SCHIP1: variants seen among roughly 807,000 people sequenced by gnomAD.
SCHIP1 encodes schwannomin interacting protein 1.
A neutral mutation model predicts 29.7 loss-of-function variants in SCHIP1; 8 were observed. The observed-to-expected ratio is 0.27, with a 90% CI of 0.16 to 0.49. The LOEUF (loss-of-function observed/expected upper bound fraction) is 0.49, where lower values mean the gene tolerates loss of function less well. Among genes scored for constraint, SCHIP1 ranks in the 20% least tolerant of loss-of-function variants. SCHIP1 has a pLI of 0.99. For synonymous variants in SCHIP1, 76 were observed against 94.9 expected (o/e 0.80, Z 1.16); for missense variants, 193 against 294.6 (o/e 0.66, Z 2.52).
At chr3:159,433,239 T>C in the SCHIP1 span, among the ~76,000 whole-genome samples, 3 of 152,160 alleles carry the variant, frequency 2.0e-5, no homozygotes, top group Non-Finnish European at 4.4e-5. Flanking sequence ...GAAAATGTCT[T>C]TAGTGGGAAG....
chr3:159,402,807 G>A, the SCHIP1 span, among the ~76,000 whole-genome samples: 4 of 152,020 alleles, frequency 2.6e-5, no homozygotes, highest in African/African-American at 9.7e-5. Flanking sequence ...GGGAGGGATA[G>A]CATTAGGAGA....
the SCHIP1 span, among the ~76,000 whole-genome samples, chr3:159,786,622 C>T: frequency 6.6e-5 from 10 of 151,718 alleles, no homozygotes; most frequent in African/African-American, 1.9e-4. Context: ...AGTTTAGTTT[C>T]GCACCTTTAG....
chr3:159,546,417 A>G, the SCHIP1 span, among the ~76,000 whole-genome samples: 2 of 152,218 alleles, frequency 1.3e-5, no homozygotes, highest in South Asian at 4.2e-4. Flanking sequence ...TAGTTTGCTA[A>G]GTTTTTTTTA....
At chr3:159,313,926 G>A in the SCHIP1 span, among the ~76,000 whole-genome samples, 1 of 152,134 alleles carries the variant, frequency 6.6e-6, no homozygotes, top group Admixed American at 6.6e-5. Context: ...TTAGACTTAG[G>A]TTATGAGTTT....
chr3:159,358,868 G>A, the SCHIP1 span, among the ~76,000 whole-genome samples: 3 of 149,762 alleles, frequency 2.0e-5, no homozygotes, highest in Non-Finnish European at 3.0e-5. Context: ...AAAAATGCAA[G>A]CATGGTATTG....
At chr3:159,502,476 CT>C in the SCHIP1 span, among the ~76,000 whole-genome samples, 25,744 of 151,926 alleles carry the variant, frequency 0.17, 2,402 homozygotes, top group South Asian at 0.35. Context: ...AGCTTCATTT[CT>C]TTTTTTAAAA....
chr3:159,320,764 C>T, the SCHIP1 span, among the ~76,000 whole-genome samples: 1 of 151,704 alleles, frequency 6.6e-6, no homozygotes, highest in Admixed American at 6.6e-5. Flanking sequence ...GTGTGCACCA[C>T]GCAGTATCAT....
chr3:159,274,712 A>T, the SCHIP1 span: 2 of 820,542 alleles, frequency 2.4e-6, no homozygotes, highest in Non-Finnish European at 2.9e-6. Flanking sequence ...TTAGCTATTC[A>T]AATTTTTTTC....
At chr3:159,643,332 T>C in the SCHIP1 span, among the ~76,000 whole-genome samples, 1 of 152,070 alleles carries the variant, frequency 6.6e-6, no homozygotes, top group Non-Finnish European at 1.5e-5. Context: ...AGCTTTGCAA[T>C]TTCTAAAACT....
chr3:159,359,717 A>G, the SCHIP1 span, among the ~76,000 whole-genome samples: 3 of 152,236 alleles, frequency 2.0e-5, no homozygotes, highest in African/African-American at 7.2e-5. Flanking sequence ...GCTTCAAACC[A>G]ATAATGAAAG....
At chr3:159,555,545 A>G in the SCHIP1 span, among the ~76,000 whole-genome samples, 1 of 152,010 alleles carries the variant, frequency 6.6e-6, no homozygotes, top group Non-Finnish European at 1.5e-5. Context: ...AACCCATCTA[A>G]CTGCTCTTTC....
At chr3:159,819,610 A>G in the SCHIP1 span, among the ~76,000 whole-genome samples, 5 of 152,206 alleles carry the variant, frequency 3.3e-5, no homozygotes, top group Non-Finnish European at 7.3e-5. Flanking sequence ...GGCTCCAGTT[A>G]AAAAAACATT....
At chr3:159,369,608 A>G in the SCHIP1 span, among the ~76,000 whole-genome samples, 1 of 152,188 alleles carries the variant, frequency 6.6e-6, no homozygotes, top group African/African-American at 2.4e-5. Context: ...TTTTAAATTC[A>G]TAGATAACTG....
chr3:159,286,738 AT>A, the SCHIP1 span, among the ~76,000 whole-genome samples: 1 of 152,130 alleles, frequency 6.6e-6, no homozygotes, highest in South Asian at 2.1e-4. Context: ...AGCACCTGTT[AT>A]TTTTTGACTT....
chr3:159,809,676 AAG>A, the SCHIP1 span, among the ~76,000 whole-genome samples: 1 of 151,546 alleles, frequency 6.6e-6, no homozygotes, highest in African/African-American at 2.4e-5. Flanking sequence ...AAAAAAAAAA[AAG>A]AAGCTAATTT....
the SCHIP1 span, among the ~76,000 whole-genome samples, chr3:159,545,745 TAC>T: frequency 6.7e-6 from 1 of 148,708 alleles, no homozygotes; most frequent in East Asian, 2.0e-4. Flanking sequence ...TATGTATATA[TAC>T]ACACACACAT....
chr3:159,288,034 T>C, the SCHIP1 span, among the ~76,000 whole-genome samples: 1 of 152,162 alleles, frequency 6.6e-6, no homozygotes, highest in African/African-American at 2.4e-5. Context: ...AAGAAAAGTA[T>C]TGATGTGCTA....
At chr3:159,288,954 T>C in the SCHIP1 span, among the ~76,000 whole-genome samples, 3 of 152,182 alleles carry the variant, frequency 2.0e-5, no homozygotes, top group African/African-American at 7.2e-5. Flanking sequence ...TGTAAGTCAA[T>C]ACTGAGCTGA....
chr3:159,306,416 CT>C, the SCHIP1 span: 2 of 153,048 alleles, frequency 1.3e-5, no homozygotes, highest in African/African-American at 4.8e-5. Flanking sequence ...TTATTGAGTA[CT>C]TATTAAGTGT....
Sources: allele counts gnomAD v4.1 joint callset (sites outside exome capture counted in the v4.1 genomes callset), GRCh38; gene constraint gnomAD v4.1.1; transcripts MANE v1.5; gene names NCBI Gene and HGNC (gene_info 2026-07-23, HGNC 2026-07-21).